Variants in PRPH2 observed in about 807,000 individuals in gnomAD.
PRPH2 encodes peripherin 2.
PRPH2 carries 17 observed loss-of-function variants against 31.3 expected under a neutral mutation model. That is an observed-to-expected ratio of 0.54 (90% confidence interval 0.37 to 0.81). The LOEUF (loss-of-function observed/expected upper bound fraction) is 0.81. Ranked by LOEUF, PRPH2 falls within the 40% of genes least tolerant of loss-of-function variation. The pLI is 0.00. For synonymous variants in PRPH2, 165 were observed against 184.4 expected (o/e 0.89, Z 0.85); for missense variants, 430 against 439.7 (o/e 0.98, Z 0.20).
intron 1 of PRPH2, among the ~76,000 whole-genome samples, chr6:42,710,651 A>G (rs1800261639): frequency 6.6e-6 from 1 of 152,102 alleles, no homozygotes; most frequent in Non-Finnish European, 1.5e-5. Flanking sequence ...GCGGTGGAGG[A>G]GGAGTCACTA....
intron 1 of PRPH2, 93 bp from the exon 2 acceptor site, chr6:42,704,704 G>A: frequency 1.3e-6 from 2 of 1,564,772 alleles, no homozygotes; most frequent in South Asian, 2.2e-5. Context: ...ACCTAGAATA[G>A]TCATTCACTC....
intron 1 of PRPH2, among the ~76,000 whole-genome samples, chr6:42,710,170 G>A (rs993560667): frequency 1.3e-5 from 2 of 151,960 alleles, no homozygotes; most frequent in Non-Finnish European, 2.9e-5. Context: ...TCAGACTGGG[G>A]CTCCCTGAAG....
intron 2 of PRPH2, among the ~76,000 whole-genome samples, chr6:42,700,716 C>A (rs903729522): frequency 2.6e-5 from 4 of 152,108 alleles, no homozygotes; most frequent in African/African-American, 9.7e-5. Context: ...GGTAGTGATC[C>A]TCCCTTTGGC....
intron 1 of PRPH2, among the ~76,000 whole-genome samples, chr6:42,709,766 G>A (rs988670595): frequency 1.5e-4 from 23 of 152,096 alleles, no homozygotes; most frequent in African/African-American, 5.1e-4. Context: ...GGTCACTGGT[G>A]GCCAAGGCCC....
chr6:42,698,421 G>A lies in PRPH2; in HGVS notation c.915C>T (p.Gly305=). The A allele has an allele frequency of 6.2e-7, 1 of 1,613,874 alleles. No homozygotes were observed. Residue 305 remains glycine, a synonymous_variant, in exon 3 of 3, where the codon GGC becomes GGT. Coordinates refer to ENST00000230381, the MANE Select transcript of PRPH2 (RefSeq NM_000322.5). ...CCGGCACGCTCCTCTCCAGCAGCCA[G>A]CCCTGGCTCTCGCTCTCAGATTCCT... ...NPEESESESQ[G]WLLERSVPET...
Position 42,722,202 on chromosome 6 carries a change from GT to G in PRPH2, c.132del (p.Glu44AspfsTer8). The G allele has an allele frequency of 6.2e-7, 1 of 1,614,176 alleles. No individual in the cohort carries two copies. The highest frequency in any genetic ancestry group is 1.1e-5 in the South Asian group (1 of 91,088). ...IFSLGLFLKI[E>X]LRKRSDVMNN... ...TTCATCACATCGCTCCTCTTTCGGA[GT>G]TCAATCTTCAGGAACAGTCCTAGGC... is the stretch of plus-strand genomic sequence containing the variant. On this transcript the variant is annotated frameshift_variant, in exon 1 of 3. Coordinates refer to ENST00000230381, the MANE Select transcript of PRPH2 (RefSeq NM_000322.5). LOFTEE classifies it high-confidence loss of function. This position sits in a 1 kb window ranked among gnomAD's most constrained non-coding sequence, Gnocchi z 4.4.
chr6:42,714,613 C>T (rs1247734303), intron 1 of PRPH2, among the ~76,000 whole-genome samples: 1 of 152,140 alleles, frequency 6.6e-6, no homozygotes, highest in East Asian at 1.9e-4. Context: ...ATTTCTTGGG[C>T]TCAGGTGATC....
rs148439983 is a variant in PRPH2 at position 42,703,860 on chromosome 6, G to C, written c.828+505C>G. Among the ~76,000 whole-genome samples the C allele has an allele frequency of 3.2e-3, 491 of 152,232 alleles. 3 individuals are homozygous for C. The highest frequency in any genetic ancestry group is 0.011 in the African/African-American group (468 of 41,532). On this transcript the variant is annotated intron_variant, in intron 2 of 2. Coordinates refer to ENST00000230381, the MANE Select transcript of PRPH2 (RefSeq NM_000322.5). ...GCTCACACCTGTAAACCCAGACTTC[G>C]GGAGGCCGAGGCAGGCAGATCACGA...
chr6:42,702,052 C>G (rs539388121), intron 2 of PRPH2, among the ~76,000 whole-genome samples: 1 of 151,940 alleles, frequency 6.6e-6, no homozygotes, highest in East Asian at 1.9e-4. Context: ...ACCAGCCCAG[C>G]CAACATGGTC....
At chr6:42,705,599 A>AATATATATATATATATATATAT (rs1194169404) in intron 1 of PRPH2, among the ~76,000 whole-genome samples, 33 of 21,242 alleles carry the variant, frequency 1.6e-3, no homozygotes, top group Non-Finnish European at 1.7e-3. Context: ...AAAAAAAAAA[A>AATATATATATATATATATATAT]ATATATATAT....
intron 1 of PRPH2, among the ~76,000 whole-genome samples, chr6:42,709,343 A>AAAAAAAC (rs1294647829): frequency 1.2e-4 from 17 of 142,796 alleles, no homozygotes; most frequent in East Asian, 2.2e-4. Context: ...TTAAAAAAAA[A>AAAAAAAC]AAAAAAAAAA....
At chr6:42,709,481 G>A (rs1311112700) in intron 1 of PRPH2, among the ~76,000 whole-genome samples, 1 of 152,022 alleles carries the variant, frequency 6.6e-6, no homozygotes, top group South Asian at 2.1e-4. Context: ...CCTGCTACCT[G>A]CCAGCTGCTA....
chr6:42,705,447 G>A (rs1250038989), intron 1 of PRPH2, among the ~76,000 whole-genome samples: 1 of 151,142 alleles, frequency 6.6e-6, no homozygotes, highest in Admixed American at 6.6e-5. Context: ...ATTTGGCTGG[G>A]CATGGTGGCT....
chr6:42,710,259 G>T (rs1800250646), intron 1 of PRPH2, among the ~76,000 whole-genome samples: 1 of 151,950 alleles, frequency 6.6e-6, no homozygotes. Context: ...GCCCCCTGAA[G>T]ATGGGGCTGT....
rs769939935 is a variant in PRPH2 at position 42,721,851 on chromosome 6, C to G, written c.484G>C (p.Glu162Gln). ...MKKTIDMLQI[E>Q]FKCCGNNGFR... ...CCGTTGTTGCCGCAGCATTTGAACT[C>G]GATCTGCAGCATGTCGATGGTCTTC... Residue 162 changes from glutamate to glutamine, a missense_variant, in exon 1 of 3, where the codon GAG (glutamate) becomes CAG (glutamine). Glu to Gln is a conservative substitution (Grantham distance 29). Transcript: ENST00000230381. 18 of 1,614,076 alleles carry G rather than the reference C, an allele frequency of 1.1e-5. No homozygotes were observed. In the South Asian group the frequency reaches 1.8e-4, roughly 16 times the overall value.
intron 2 of PRPH2, among the ~76,000 whole-genome samples, chr6:42,700,419 G>A (rs1476169899): frequency 1.3e-5 from 2 of 152,188 alleles, no homozygotes; most frequent in African/African-American, 4.8e-5. Flanking sequence ...TGACTCATCT[G>A]GCTCACTCAG....
At chr6:42,706,358 T>C (rs1198674762) in intron 1 of PRPH2, among the ~76,000 whole-genome samples, 1 of 151,338 alleles carries the variant, frequency 6.6e-6, no homozygotes, top group East Asian at 1.9e-4. Flanking sequence ...TGAGCCGAGA[T>C]CACGCCATTG....
chr6:42,719,082 G>T (rs939654146), intron 1 of PRPH2, among the ~76,000 whole-genome samples: 4 of 152,028 alleles, frequency 2.6e-5, no homozygotes, highest in Non-Finnish European at 5.9e-5. Flanking sequence ...AATGCTCAAA[G>T]ATGCCCATTC....
chr6:42,703,783 C>G lies in PRPH2; in HGVS notation c.828+582G>C, dbSNP rs568510614. ...CAACTAGATGACACCAAATTGTTTA[C>G]CTTTTATAAATCTCACCTCAATTAA... is the stretch of plus-strand genomic sequence containing the variant. On this transcript the variant is annotated intron_variant, in intron 2 of 2. Coordinates refer to ENST00000230381, the MANE Select transcript of PRPH2 (RefSeq NM_000322.5). Among the ~76,000 whole-genome samples the G allele has an allele frequency of 1.7e-3, 256 of 152,170 alleles. 2 individuals carry two copies. Among genetic ancestry groups the G allele is most frequent in the African/African-American group, 5.9e-3 (246 of 41,534 alleles).
Sources: allele counts gnomAD v4.1 joint callset (sites outside exome capture counted in the v4.1 genomes callset), GRCh38; gene constraint gnomAD v4.1.1; non-coding constraint Gnocchi (gnomAD v3.1); transcripts MANE v1.5; gene names NCBI Gene and HGNC (gene_info 2026-07-23, HGNC 2026-07-21).